The following ENOX1 variants were observed in gnomAD, a reference collection of about 807,000 sequenced individuals.
ENOX1 encodes the protein ecto-NOX disulfide-thiol exchanger 1, also known as candidate growth-related and time keeping constitutive hydroquinone (NADH) oxidase.
A neutral mutation model predicts 82.5 loss-of-function variants in ENOX1; 42 were observed. The ratio of observed to expected loss-of-function variants is 0.51; its 90% CI spans 0.40 to 0.66. The LOEUF is 0.66. Ranked by LOEUF, ENOX1 falls within the 30% of genes least tolerant of loss-of-function variation. The probability of loss-of-function intolerance (pLI) is 0.00; values close to 1 mark genes in which losing one functional copy is unlikely to be tolerated. For missense variants in ENOX1, 608 were observed against 811.6 expected (o/e 0.75, Z 3.05); for synonymous variants, 271 against 282.2 (o/e 0.96, Z 0.40).
At chr13:43,520,573 T>C (rs1039000007) in intron 2 of ENOX1, among the ~76,000 whole-genome samples, 8 of 152,156 alleles carry the variant, frequency 5.3e-5, no homozygotes, top group Non-Finnish European at 1.2e-4. Context: ...TCTTTTTATC[T>C]ACATGGGGAA....
At chr13:43,321,168 T>C (rs749227074) in intron 11 of ENOX1, 38 of 456,130 alleles carry the variant, frequency 8.3e-5, no homozygotes, top group Non-Finnish European at 4.8e-5. Context: ...TCTCAAACTT[T>C]GGCATGCATC....
intron 2 of ENOX1, among the ~76,000 whole-genome samples, chr13:43,639,735 A>G (rs2083556256): frequency 6.6e-6 from 1 of 152,194 alleles, no homozygotes; most frequent in Non-Finnish European, 1.5e-5. Context: ...TTTTAACAAT[A>G]AATAAAAATC....
intron 9 of ENOX1, 67 bp from the exon 10 acceptor site, chr13:43,326,592 CA>C: frequency 8.0e-7 from 1 of 1,246,662 alleles, no homozygotes; most frequent in Non-Finnish European, 1.2e-6. Flanking sequence ...GGAAGCAAAG[CA>C]AAGACACTAG....
At chr13:43,238,043 G>A (rs2042635031) in intron 14 of ENOX1, among the ~76,000 whole-genome samples, 1 of 152,200 alleles carries the variant, frequency 6.6e-6, no homozygotes, top group Admixed American at 6.5e-5. Context: ...ATAAGGTAAA[G>A]AATTGAGAAA....
At chr13:43,589,911 A>G (rs1404391089) in intron 2 of ENOX1, among the ~76,000 whole-genome samples, 2 of 152,082 alleles carry the variant, frequency 1.3e-5, no homozygotes, top group Non-Finnish European at 2.9e-5. Flanking sequence ...AAAAAAAAAA[A>G]AAAAATCCTT....
intron 1 of ENOX1, among the ~76,000 whole-genome samples, chr13:43,734,288 G>C (rs969645327): frequency 6.6e-6 from 1 of 152,062 alleles, no homozygotes; most frequent in African/African-American, 2.4e-5. Context: ...TAGAGAACTA[G>C]TACAAGGGTT....
At chr13:43,571,658 C>T (rs1273207374) in intron 2 of ENOX1, among the ~76,000 whole-genome samples, 1 of 152,120 alleles carries the variant, frequency 6.6e-6, no homozygotes. Flanking sequence ...CCAGTGCACT[C>T]CAGCCTGGGC....
At chr13:43,551,337 T>C (rs906774451) in intron 2 of ENOX1, among the ~76,000 whole-genome samples, 5 of 152,206 alleles carry the variant, frequency 3.3e-5, no homozygotes, top group African/African-American at 1.2e-4. Flanking sequence ...TTGACTTGTA[T>C]ATGTTAAATG....
intron 1 of ENOX1, among the ~76,000 whole-genome samples, chr13:43,739,316 G>A (rs1224255459): frequency 6.6e-6 from 1 of 152,088 alleles, no homozygotes; most frequent in Non-Finnish European, 1.5e-5. Context: ...GGGAGGCCAA[G>A]TCGGGCAGAT....
At chr13:43,638,742 A>G (rs1372893311) in intron 2 of ENOX1, among the ~76,000 whole-genome samples, 1 of 152,166 alleles carries the variant, frequency 6.6e-6, no homozygotes, top group South Asian at 2.1e-4. Context: ...GGGGCAGTGC[A>G]CAGATTCATC....
At chr13:43,707,110 A>G (rs1158338425) in intron 1 of ENOX1, among the ~76,000 whole-genome samples, 4 of 152,274 alleles carry the variant, frequency 2.6e-5, no homozygotes, top group Admixed American at 2.0e-4. Context: ...CTCTATTTCT[A>G]TATACCGGCA....
rs569125193 is a variant in ENOX1, at chr13:43,749,030, A to T, written c.-285+37622T>A. ...ATAGTATCTATGCCATAGGGTTGTTATGAAGGTCAAATTAGTAACCACAGG... is the reference window on the plus strand; with the variant it reads ...ATAGTATCTATGCCATAGGGTTGTTTTGAAGGTCAAATTAGTAACCACAGG... On this transcript the variant is annotated intron_variant, in intron 1 of 16. Transcript: ENST00000690772. 2.0e-5 allele frequency among the ~76,000 whole-genome samples: 3 copies of T among 152,204 alleles called. No individual in the cohort carries two copies. In the South Asian group the frequency reaches 6.2e-4, roughly 31 times the overall value.
intron 1 of ENOX1, among the ~76,000 whole-genome samples, chr13:43,702,953 CAAAAAAAAAAAAAA>C (rs60810191): frequency 9.8e-5 from 5 of 51,014 alleles, no homozygotes; most frequent in South Asian, 1.4e-3. Context: ...GACTCTGTCT[CAAAAAAAAAAAAAA>C]AAAAAAAAAA....
intron 8 of ENOX1, among the ~76,000 whole-genome samples, chr13:43,349,680 C>A (rs772142367): frequency 6.6e-5 from 10 of 152,294 alleles, no homozygotes; most frequent in Non-Finnish European, 1.0e-4. Flanking sequence ...GCATTTTACT[C>A]CAGGTGATTT....
intron 1 of ENOX1, among the ~76,000 whole-genome samples, chr13:43,718,296 T>C (rs553551804): frequency 1.3e-5 from 2 of 152,170 alleles, no homozygotes; most frequent in South Asian, 4.2e-4. Context: ...AAATACAATA[T>C]GATCTCACTT....
intron 3 of ENOX1, among the ~76,000 whole-genome samples, chr13:43,447,864 C>G (rs1349835842): frequency 1.3e-5 from 2 of 152,254 alleles, no homozygotes; most frequent in East Asian, 3.9e-4. Flanking sequence ...TGTTTGTGTT[C>G]CTTTCATACA....
At chr13:43,565,093 A>G (rs1218126864) in intron 2 of ENOX1, among the ~76,000 whole-genome samples, 1 of 152,164 alleles carries the variant, frequency 6.6e-6, no homozygotes, top group Non-Finnish European at 1.5e-5. Flanking sequence ...ATTACTTGAG[A>G]CAGTGGAAAG....
chr13:43,389,094 A>G (rs1445102971), intron 5 of ENOX1, among the ~76,000 whole-genome samples: 1 of 151,906 alleles, frequency 6.6e-6, no homozygotes, highest in Non-Finnish European at 1.5e-5. Flanking sequence ...GGGAAACTAA[A>G]TAGCAAACAT....
At chr13:43,741,163 C>CA (rs1472086136) in intron 1 of ENOX1, among the ~76,000 whole-genome samples, 1 of 150,626 alleles carries the variant, frequency 6.6e-6, no homozygotes, top group Non-Finnish European at 1.5e-5. Flanking sequence ...CAGCTCACTG[C>CA]AACCTCCGCC....
Sources: gnomAD v4.1 joint callset for allele counts (sites outside exome capture counted in the v4.1 genomes callset) on GRCh38, gnomAD v4.1.1 for gene constraint, MANE v1.5 for transcripts, NCBI Gene and HGNC (gene_info 2026-07-23, HGNC 2026-07-21) for gene names.